The following REPS2 variants were observed in gnomAD, a reference collection of about 807,000 sequenced individuals.
REPS2 encodes the protein ralBP1-associated Eps domain-containing protein 2.
A neutral mutation model predicts 53.6 loss-of-function variants in REPS2; 23 were observed. The ratio of observed to expected loss-of-function variants is 0.43; its 90% CI spans 0.31 to 0.61. The LOEUF is 0.61. REPS2 is among the 20% of genes least tolerant of loss of function. The pLI, the probability that REPS2 is intolerant of heterozygous loss-of-function variation, is 0.11. For synonymous variants in REPS2, 238 were observed against 218.6 expected, an observed-to-expected ratio of 1.09 and a Z score of -0.78; for missense variants, 446 against 534.9, an observed-to-expected ratio of 0.83 and a Z score of 1.64.
intron 1 of REPS2, among the ~76,000 whole-genome samples, chrX:16,976,960 A>T (rs901119118): frequency 5.4e-5 from 6 of 111,873 alleles, no homozygotes; most frequent in African/African-American, 1.9e-4. Context: ...GATGGTCTGT[A>T]ATAGGAGACA....
intron 1 of REPS2, among the ~76,000 whole-genome samples, chrX:16,974,608 G>C (rs2060933357): frequency 9.0e-6 from 1 of 110,572 alleles, no homozygotes. Context: ...TTGCACCACT[G>C]CACTCCAGCC....
chrX:17,160,611 C>T, the REPS2 span, among the ~76,000 whole-genome samples: 12 of 112,338 alleles, frequency 1.1e-4, no homozygotes, highest in Non-Finnish European at 2.1e-4. Flanking sequence ...ATCCCCCAAA[C>T]TCTGCTGGCA....
rs111296915 is a variant in REPS2, at chrX:17,016,301, C to T, written c.398-5822C>T. On this transcript the variant is annotated intron_variant, in intron 2 of 17. Coordinates refer to ENST00000357277, the MANE Select transcript of REPS2 (RefSeq NM_004726.3). ...ATGATTTTGGTCACAACTACTCAAC[C>T]CTGTTGTAGTATGAAAGTAGCCATG... 5.1e-3 allele frequency among the ~76,000 whole-genome samples: 570 copies of T among 112,425 alleles called. 3 individuals are homozygous for T. Among genetic ancestry groups the T allele is most frequent in the African/African-American group, 0.018 (547 of 30,963 alleles).
chrX:17,125,426 A>G (rs771375968), intron 14 of REPS2, among the ~76,000 whole-genome samples: 1 of 111,768 alleles, frequency 8.9e-6, no homozygotes, highest in East Asian at 2.8e-4. Flanking sequence ...AGTGGTTCCC[A>G]GTTGATCTGG....
At chrX:16,990,435 C>T (rs1341188517) in intron 1 of REPS2, among the ~76,000 whole-genome samples, 1 of 110,235 alleles carries the variant, frequency 9.1e-6, no homozygotes, top group Non-Finnish European at 1.9e-5. Flanking sequence ...CATGGTGAAA[C>T]CCTGTTTTTA....
intron 6 of REPS2, among the ~76,000 whole-genome samples, chrX:17,050,121 T>TCTTTCTTTCTTC: frequency 2.9e-5 from 2 of 68,804 alleles, no homozygotes; most frequent in African/African-American, 1.0e-4. Flanking sequence ...CTATGTTTCT[T>TCTTTCTTTCTTC]CTTTCTTTCT....
At chrX:16,965,374 C>G (rs1231237171) in intron 1 of REPS2, among the ~76,000 whole-genome samples, 1 of 112,239 alleles carries the variant, frequency 8.9e-6, no homozygotes, top group Non-Finnish European at 1.9e-5. Flanking sequence ...CTGACCCCCC[C>G]ACCTCCCTCC....
intron 2 of REPS2, among the ~76,000 whole-genome samples, chrX:17,018,792 A>G (rs1042478728): frequency 9.3e-6 from 1 of 107,906 alleles, no homozygotes; most frequent in African/African-American, 3.4e-5. Flanking sequence ...CATTTTTTCT[A>G]ATGGATTGAG....
chrX:17,147,483 C>T lies in REPS2; in HGVS notation c.*2C>T, dbSNP rs756154692. 3 of 1,190,464 alleles carry T rather than the reference C, an allele frequency of 2.5e-6. No individual in the cohort carries two copies. The highest frequency in any genetic ancestry group is 3.0e-5 in the East Asian group (1 of 33,516). Reference sequence around the variant, plus strand: ...CTTCGTCCGGTCACTGTGTTGTGACCCCCCCATGGTTCAAGTGACAGTGGG... The same window carrying T: ...CTTCGTCCGGTCACTGTGTTGTGACTCCCCCATGGTTCAAGTGACAGTGGG... On this transcript the variant is annotated 3_prime_UTR_variant, in exon 18 of 18. Coordinates refer to ENST00000357277, the MANE Select transcript of REPS2 (RefSeq NM_004726.3).
chrX:16,954,432 C>T (rs765357178), intron 1 of REPS2, among the ~76,000 whole-genome samples: 4 of 111,961 alleles, frequency 3.6e-5, no homozygotes, highest in South Asian at 7.4e-4. Flanking sequence ...TGAAGCAAGT[C>T]GCAAACATCA....
At chrX:17,054,632 C>T (rs547628605) in intron 7 of REPS2, among the ~76,000 whole-genome samples, 176 bp from the exon 8 acceptor site, 2 of 112,053 alleles carry the variant, frequency 1.8e-5, no homozygotes, top group South Asian at 3.7e-4. Context: ...TCCCATCAAT[C>T]GGCATTTTTC....
At chrX:17,079,039 T>G (rs960994865) in intron 13 of REPS2, among the ~76,000 whole-genome samples, 3 of 112,420 alleles carry the variant, frequency 2.7e-5, no homozygotes, top group African/African-American at 9.7e-5. Context: ...TTGGATATTT[T>G]TGGATTTTGG....
intron 2 of REPS2, among the ~76,000 whole-genome samples, chrX:17,012,065 T>C (rs1173916102): frequency 9.0e-6 from 1 of 110,613 alleles, no homozygotes; most frequent in African/African-American, 3.3e-5. Flanking sequence ...TTTTTCAAAT[T>C]AGTAATATGC....
At chrX:17,120,203 G>A (rs1334125184) in intron 14 of REPS2, among the ~76,000 whole-genome samples, 2 of 111,806 alleles carry the variant, frequency 1.8e-5, no homozygotes, top group Admixed American at 1.9e-4. Flanking sequence ...AAGCACTCCT[G>A]AGGGGGTCAG....
intron 16 of REPS2, chrX:17,137,412 T>G (rs2148153629): frequency 8.9e-6 from 1 of 112,039 alleles, no homozygotes; most frequent in African/African-American, 3.2e-5. Flanking sequence ...TATTGGCCAT[T>G]TGTTTATCTT....
the REPS2 span, among the ~76,000 whole-genome samples, chrX:17,184,030 CT>C: frequency 7.5e-3 from 760 of 101,856 alleles, 5 homozygotes; most frequent in African/African-American, 0.015. Context: ...CTCTTTGTTT[CT>C]TTTTTTTTTT....
At position 17,052,354 on chromosome X, in the gene REPS2, GGTTTATTTAAACAATGGC is replaced by G; in HGVS notation, c.908-27_908-10del. 1 of 1,167,101 alleles carries G rather than the reference GGTTTATTTAAACAATGGC, an allele frequency of 8.6e-7. No individual in the cohort carries two copies. The highest frequency in any genetic ancestry group is 1.2e-6 in the Non-Finnish European group (1 of 863,324). On this transcript the variant is annotated splice_polypyrimidine_tract_variant and intron_variant, in intron 6 of 17. Transcript: ENST00000357277. ...AAGCTACTCTAGCTGAGTAATTAAT[GGTTTATTTAAACAATGGC>G]ACTTGACAGGTTCTGTGGCCAAGAA...
the REPS2 span, among the ~76,000 whole-genome samples, chrX:17,174,497 G>A: frequency 8.9e-6 from 1 of 111,766 alleles, no homozygotes; most frequent in Non-Finnish European, 1.9e-5. Flanking sequence ...TGCAGCCAGG[G>A]TTGAGACCCA....
chrX:17,184,471 T>TA, the REPS2 span, among the ~76,000 whole-genome samples: 33 of 106,805 alleles, frequency 3.1e-4, no homozygotes, highest in African/African-American at 1.1e-3. Flanking sequence ...CTATTGTGAA[T>TA]AGTGCCACAA....
Sources: gnomAD v4.1 joint callset for allele counts (sites outside exome capture counted in the v4.1 genomes callset) on GRCh38, gnomAD v4.1.1 for gene constraint, MANE v1.5 for transcripts, NCBI Gene and HGNC (gene_info 2026-07-23, HGNC 2026-07-21) for gene names.